SORCS2: variants seen among roughly 807,000 people sequenced by gnomAD.
SORCS2 encodes sortilin related VPS10 domain containing receptor 2.
A neutral mutation model predicts 141.6 loss-of-function variants in SORCS2; 100 were observed. The observed-to-expected ratio is 0.71, with a 90% CI of 0.60 to 0.83. SORCS2 has a LOEUF of 0.83. Among genes scored for constraint, SORCS2 ranks in the 40% least tolerant of loss-of-function variants. SORCS2 has a pLI of 0.00. For missense variants in SORCS2, 1,646 were observed against 1,560.2 expected (o/e 1.05, Z -0.93); for synonymous variants, 789 against 676.9 (o/e 1.17, Z -2.57).
intron 2 of SORCS2, among the ~76,000 whole-genome samples, chr4:7,399,278 G>A (rs1291612838): frequency 1.3e-5 from 2 of 151,628 alleles, no homozygotes; most frequent in Non-Finnish European, 2.9e-5. Context: ...AGGCCCCTGT[G>A]GATGGAAGGC....
intron 1 of SORCS2, among the ~76,000 whole-genome samples, chr4:7,361,625 G>A (rs1460026823): frequency 6.6e-6 from 1 of 152,166 alleles, no homozygotes; most frequent in African/African-American, 2.4e-5. Flanking sequence ...AAAAAAGAGA[G>A]TCTGCTTGCC....
At chr4:7,575,922 G>C (rs1326664132) in intron 3 of SORCS2, among the ~76,000 whole-genome samples, 1 of 152,218 alleles carries the variant, frequency 6.6e-6, no homozygotes, top group Non-Finnish European at 1.5e-5. Flanking sequence ...TCAGTAATTT[G>C]ACAACTGAAT....
intron 1 of SORCS2, among the ~76,000 whole-genome samples, chr4:7,260,913 G>C (rs189150665): frequency 1.9e-4 from 29 of 152,332 alleles, no homozygotes; most frequent in African/African-American, 6.3e-4. Context: ...GGACACCGAG[G>C]CTCAGAGAGG....
At chr4:7,642,653 C>A (rs1238513140) in intron 4 of SORCS2, among the ~76,000 whole-genome samples, 2 of 152,176 alleles carry the variant, frequency 1.3e-5, no homozygotes, top group African/African-American at 2.4e-5. Context: ...CTGCAACAAT[C>A]ATACTGAGTA....
chr4:7,521,630 T>C (rs2109506045), intron 2 of SORCS2, among the ~76,000 whole-genome samples: 1 of 152,280 alleles, frequency 6.6e-6, no homozygotes, highest in East Asian at 1.9e-4. Context: ...TAGCCTGAAC[T>C]GGAACGTGAC....
At chr4:7,334,613 G>A (rs1432351059) in intron 1 of SORCS2, among the ~76,000 whole-genome samples, 1 of 152,176 alleles carries the variant, frequency 6.6e-6, no homozygotes. Context: ...GTCAGTTCCT[G>A]CAGCAACAGG....
At chr4:7,523,935 C>T (rs1733502110) in intron 2 of SORCS2, among the ~76,000 whole-genome samples, 1 of 152,240 alleles carries the variant, frequency 6.6e-6, no homozygotes, top group Non-Finnish European at 1.5e-5. Flanking sequence ...CAAACTCTTC[C>T]TGGGGATGAC....
At chr4:7,451,970 G>A (rs1450111250) in intron 2 of SORCS2, among the ~76,000 whole-genome samples, 2 of 152,146 alleles carry the variant, frequency 1.3e-5, no homozygotes, top group African/African-American at 4.8e-5. Context: ...GCCAAGGCAG[G>A]AAGTGCCCTT....
chr4:7,633,101 A>G (rs556581311), intron 3 of SORCS2, among the ~76,000 whole-genome samples: 1 of 152,266 alleles, frequency 6.6e-6, no homozygotes, highest in Admixed American at 6.5e-5. Flanking sequence ...TTGATCACAC[A>G]TGGATTTTGT....
chr4:7,728,258 C>T, intron 21 of SORCS2, 92 bp from the exon 22 acceptor site: 2 of 852,548 alleles, frequency 2.3e-6, no homozygotes, highest in Non-Finnish European at 3.8e-6. Flanking sequence ...CGGGACCATC[C>T]AGGGCATGTG....
chr4:7,217,617 T>A (rs1728438886), intron 1 of SORCS2, among the ~76,000 whole-genome samples: 1 of 152,104 alleles, frequency 6.6e-6, no homozygotes, highest in East Asian at 1.9e-4. Flanking sequence ...TTCCCCAGGG[T>A]GGGGCAGAGT....
chr4:7,458,136 C>A (rs908927985), intron 2 of SORCS2, among the ~76,000 whole-genome samples: 3 of 152,020 alleles, frequency 2.0e-5, no homozygotes, highest in African/African-American at 7.3e-5. Flanking sequence ...AAGGGTCTTC[C>A]GGAAAGAGGG....
At chr4:7,518,563 G>A (rs554825377) in intron 2 of SORCS2, among the ~76,000 whole-genome samples, 30 of 152,298 alleles carry the variant, frequency 2.0e-4, no homozygotes, top group South Asian at 1.0e-3. Flanking sequence ...AACACTCTGG[G>A]TTTTAGAGTG....
In SORCS2 at chr4:7,733,344, T is replaced by C; in HGVS notation, c.3131T>C (p.Val1044Ala). The C allele has an allele frequency of 1.3e-6, 2 of 1,558,380 alleles. No individual in the cohort carries two copies. The highest frequency in any genetic ancestry group is 1.2e-5 in the South Asian group (1 of 83,532). The change falls in exon 24 of 27, where the codon GTG becomes GCG. Residue 1044 changes from valine (V) to alanine (A), a missense_variant. Physicochemically the swap from Val to Ala is moderately conservative, Grantham distance 64. Transcript: ENST00000507866. ...CAGAGGCTCGCCGCCATCCAGCAGGTGCTGAACGCACAGAAGATCAGCTTC... is the reference window on the plus strand; with the variant it reads ...CAGAGGCTCGCCGCCATCCAGCAGGCGCTGAACGCACAGAAGATCAGCTTC... Reference protein sequence around the residue: ...SDKRLAAIQQVLNAQKISFLL... With the variant: ...SDKRLAAIQQALNAQKISFLL...
chr4:7,339,737 G>A (rs939940108), intron 1 of SORCS2, among the ~76,000 whole-genome samples: 1 of 151,546 alleles, frequency 6.6e-6, no homozygotes, highest in East Asian at 1.9e-4. Flanking sequence ...CTTCAACATA[G>A]GAATTTTGGG....
chr4:7,485,130 C>T (rs1299936244), intron 2 of SORCS2, among the ~76,000 whole-genome samples: 1 of 152,176 alleles, frequency 6.6e-6, no homozygotes, highest in African/African-American at 2.4e-5. Context: ...TCACTCCACA[C>T]GGCACACACT....
At chr4:7,734,455 C>G in intron 25 of SORCS2, 81 bp downstream of exon 25, 1 of 981,638 alleles carries the variant, frequency 1.0e-6, no homozygotes, top group Non-Finnish European at 1.5e-6. Context: ...TCAGGCAGAT[C>G]TAGAAAGGGC....
chr4:7,729,303 C>T (rs1196017693), intron 22 of SORCS2, among the ~76,000 whole-genome samples: 1 of 152,082 alleles, frequency 6.6e-6, no homozygotes, highest in African/African-American at 2.4e-5. Flanking sequence ...TCACTCTAGT[C>T]ATGGTCTGAA....
intron 1 of SORCS2, among the ~76,000 whole-genome samples, chr4:7,273,441 G>C (rs1027307631): frequency 6.6e-6 from 1 of 152,292 alleles, no homozygotes; most frequent in East Asian, 1.9e-4. Flanking sequence ...TCTGGAACAC[G>C]GGTGTCTGCC....
Sources: allele counts gnomAD v4.1 joint callset (sites outside exome capture counted in the v4.1 genomes callset), GRCh38; gene constraint gnomAD v4.1.1; transcripts MANE v1.5; gene names NCBI Gene and HGNC (gene_info 2026-07-23, HGNC 2026-07-21).